The following MSI2 variants were observed in gnomAD, a reference collection of about 807,000 sequenced individuals.
MSI2 encodes RNA-binding protein Musashi homolog 2.
Under a neutral mutation model 45.6 loss-of-function variants are expected in MSI2, and 17 were observed. The observed-to-expected ratio is 0.37, with a 90% CI of 0.26 to 0.56. MSI2 has a LOEUF of 0.56. Among genes scored for constraint, MSI2 ranks in the 20% least tolerant of loss-of-function variants. The probability of loss-of-function intolerance (pLI) is 0.77; values close to 1 mark genes in which losing one functional copy is unlikely to be tolerated. For synonymous variants in MSI2, 156 were observed against 158.2 expected (o/e 0.99, Z 0.11); for missense variants, 293 against 444.2 (o/e 0.66, Z 3.06).
chr17:57,597,439 T>C lies in MSI2; in HGVS notation c.537+489T>C, dbSNP rs538993094. On this transcript the variant is annotated intron_variant, in intron 8 of 13. Coordinates refer to ENST00000284073, the MANE Select transcript of MSI2 (RefSeq NM_138962.4). ...TGAGGCCAGGAGTTCGAGACGAGCC[T>C]GGGAAACATAGCCAGACCTCATCTC... is the stretch of plus-strand genomic sequence containing the variant. Among the ~76,000 whole-genome samples the C allele has an allele frequency of 5.5e-5, 7 of 127,872 alleles. No individual in the cohort carries two copies. The South Asian group carries it at 7.5e-4, about 14-fold the overall frequency. The allele number at this position is 127,872 out of a possible 152,430, so 83.9% of individuals were successfully genotyped here.
chr17:57,430,763 AC>A (rs2084579530), intron 6 of MSI2, among the ~76,000 whole-genome samples: 1 of 152,122 alleles, frequency 6.6e-6, no homozygotes, highest in Non-Finnish European at 1.5e-5. Context: ...TTGCCCTCTG[AC>A]CCAAGGATGG....
intron 8 of MSI2, among the ~76,000 whole-genome samples, chr17:57,598,886 C>T (rs545124689): frequency 1.0e-3 from 155 of 152,330 alleles, no homozygotes; most frequent in South Asian, 9.7e-3. Flanking sequence ...TGATCTCAAA[C>T]TCCTGACGTC....
intron 7 of MSI2, among the ~76,000 whole-genome samples, chr17:57,547,980 G>C (rs1221651995): frequency 6.6e-6 from 1 of 152,176 alleles, no homozygotes; most frequent in African/African-American, 2.4e-5. Flanking sequence ...GTGCTTTTCT[G>C]TTGCAGTTCA....
Position 57,484,667 on chromosome 17 carries a change from C to T in MSI2, c.406-45009C>T, listed in dbSNP as rs372535986. 7.2e-5 allele frequency among the ~76,000 whole-genome samples: 11 copies of T among 152,184 alleles called. No individual in the cohort carries two copies. In the East Asian group the frequency reaches 7.7e-4, roughly 11 times the overall value. ...TCTCAGAAAGCAGTTGTCTTCATTG[C>T]TGAGTGCTTGGACCCTCTGTGGAGC... On this transcript the variant is annotated intron_variant, in intron 6 of 13. Transcript: ENST00000284073.
intron 6 of MSI2, among the ~76,000 whole-genome samples, chr17:57,471,196 C>T (rs2085429156): frequency 6.6e-6 from 1 of 151,412 alleles, no homozygotes; most frequent in South Asian, 2.1e-4. Context: ...CTGTATTGAC[C>T]TTTAGCTCCA....
chr17:57,468,143 T>C (rs1216279233), intron 6 of MSI2, among the ~76,000 whole-genome samples: 1 of 151,722 alleles, frequency 6.6e-6, no homozygotes, highest in Non-Finnish European at 1.5e-5. Flanking sequence ...CTTAGAGCCT[T>C]AGTTCCCGCA....
chr17:57,494,877 G>T (rs1217962089), intron 6 of MSI2, among the ~76,000 whole-genome samples: 1 of 152,028 alleles, frequency 6.6e-6, no homozygotes, highest in Admixed American at 6.6e-5. Flanking sequence ...GGTCATGACA[G>T]AACTCAACTC....
intron 6 of MSI2, among the ~76,000 whole-genome samples, chr17:57,402,963 A>G (rs1332050440): frequency 2.0e-5 from 3 of 152,210 alleles, no homozygotes; most frequent in African/African-American, 7.2e-5. Flanking sequence ...TCCATCACCC[A>G]GCCCCACCCT....
chr17:57,361,502 G>A (rs191733346), intron 5 of MSI2, among the ~76,000 whole-genome samples: 46 of 151,528 alleles, frequency 3.0e-4, no homozygotes, highest in Admixed American at 4.6e-4. Context: ...AGCTACTCAG[G>A]ATACTGAGGT....
intron 7 of MSI2, among the ~76,000 whole-genome samples, chr17:57,530,719 T>A (rs2086804591): frequency 6.6e-6 from 1 of 152,182 alleles, no homozygotes; most frequent in African/African-American, 2.4e-5. Flanking sequence ...TGCTGTCACC[T>A]GTGATTAGAA....
At chr17:57,560,604 A>C (rs1194021905) in intron 7 of MSI2, among the ~76,000 whole-genome samples, 3 of 152,364 alleles carry the variant, frequency 2.0e-5, no homozygotes, top group East Asian at 1.9e-4. Flanking sequence ...GGCCAGTTAT[A>C]TAATCCTCAG....
chr17:57,628,328 G>T (rs952321275), intron 10 of MSI2: 1 of 152,322 alleles, frequency 6.6e-6, no homozygotes, highest in Admixed American at 6.5e-5. Flanking sequence ...GTCGCTGGAA[G>T]ATGGCGCCCT....
At chr17:57,329,375 C>A (rs975758280) in intron 5 of MSI2, among the ~76,000 whole-genome samples, 47 of 152,136 alleles carry the variant, frequency 3.1e-4, no homozygotes, top group African/African-American at 1.1e-3. Context: ...AGAGTGTGTT[C>A]TGTCCTTTAA....
At chr17:57,450,450 G>A (rs933313990) in intron 6 of MSI2, among the ~76,000 whole-genome samples, 1 of 141,208 alleles carries the variant, frequency 7.1e-6, no homozygotes. Flanking sequence ...GCCACAGCGG[G>A]CTGATCACTT....
In MSI2 at chr17:57,657,586, G is replaced by A. The variant is rs138854445; in HGVS notation, c.790+5425G>A. ...AAAGTAAAATGCAAGTCAGGGGATGGAATAAATAGTTTAACTTGAACCAGA... is the reference window on the plus strand; with the variant it reads ...AAAGTAAAATGCAAGTCAGGGGATGAAATAAATAGTTTAACTTGAACCAGA... On this transcript the variant is annotated intron_variant, in intron 11 of 13. Transcript: ENST00000284073. Among the ~76,000 whole-genome samples the A allele has an allele frequency of 2.0e-5, 3 of 152,342 alleles. No individual in the cohort carries two copies. The East Asian group carries it at 5.8e-4, about 29-fold the overall frequency.
intron 5 of MSI2, among the ~76,000 whole-genome samples, chr17:57,343,387 G>A (rs941716145): frequency 6.6e-6 from 1 of 151,574 alleles, no homozygotes; most frequent in African/African-American, 2.4e-5. Context: ...TAAGTTCAAA[G>A]AACATCCTTG....
At chr17:57,687,196 A>AGATT (rs10664872), downstream of MSI2, among the ~76,000 whole-genome samples, 18 of 151,778 alleles carry the variant, frequency 1.2e-4, no homozygotes, top group African/African-American at 4.3e-4. Context: ...AGCTGTACTC[A>AGATT]AAATGTAAGC....
chr17:57,458,116 T>C (rs1301666890), intron 6 of MSI2, among the ~76,000 whole-genome samples: 1 of 150,406 alleles, frequency 6.6e-6, no homozygotes, highest in African/African-American at 2.4e-5. Context: ...TTTTTTTTTT[T>C]TGGAGATGGA....
chr17:57,687,015 C>A (rs930004943), downstream of MSI2, among the ~76,000 whole-genome samples: 117 of 146,142 alleles, frequency 8.0e-4, 1 homozygote, highest in Middle Eastern at 3.5e-3. Flanking sequence ...GCCCCCCCCC[C>A]AAAAAATTTT....
Sources: allele counts gnomAD v4.1 joint callset (sites outside exome capture counted in the v4.1 genomes callset), GRCh38; gene constraint gnomAD v4.1.1; transcripts MANE v1.5; gene names NCBI Gene and HGNC (gene_info 2026-07-23, HGNC 2026-07-21).